PIK3C2A: variants seen among roughly 807,000 people sequenced by gnomAD.
The protein encoded by PIK3C2A is phosphatidylinositol 4-phosphate 3-kinase C2 domain-containing subunit alpha.
A neutral mutation model predicts 204.5 loss-of-function variants in PIK3C2A; 97 were observed. That is an observed-to-expected ratio of 0.47 (90% CI 0.40 to 0.56). The LOEUF (loss-of-function observed/expected upper bound fraction) is 0.56, where lower values mean the gene tolerates loss of function less well. Among genes scored for constraint, PIK3C2A ranks in the 20% least tolerant of loss-of-function variants. The pLI, the probability that PIK3C2A is intolerant of heterozygous loss-of-function variation, is 0.00. For missense variants in PIK3C2A, 1,735 were observed against 1,969.2 expected, an observed-to-expected ratio of 0.88 and a Z score of 2.25; for synonymous variants, 653 against 664.4, an observed-to-expected ratio of 0.98 and a Z score of 0.26.
At chr11:17,114,797 A>G (rs765704092) in intron 19 of PIK3C2A, among the ~76,000 whole-genome samples, 1 of 152,226 alleles carries the variant, frequency 6.6e-6, no homozygotes, top group African/African-American at 2.4e-5. Context: ...ACGATTTCAT[A>G]ACTTATTGGT....
At chr11:17,112,492 ATCACCT>A (rs1234982731) in intron 21 of PIK3C2A, 76 bp downstream of exon 21, 2 of 643,950 alleles carry the variant, frequency 3.1e-6, no homozygotes, top group Non-Finnish European at 5.5e-6. Flanking sequence ...ATTAAACAAA[ATCACCT>A]TTGCAATTTT....
In PIK3C2A at chr11:17,112,606, G is replaced by C; in HGVS notation, c.3382C>G (p.Pro1128Ala). ...PLKVTMVNADPMGEEINVMFK... is the reference protein window; with the variant it reads ...PLKVTMVNADAMGEEINVMFK... ...ATGACATTAATTTCTTCTCCCATAG[G>C]GTCAGCATTCACCATTGTGACTTTT... The change falls in exon 21 of 33, where the codon CCT becomes GCT. Residue 1128 changes from proline (P) to alanine (A), a missense_variant. Physicochemically the swap from Pro to Ala is conservative, Grantham distance 27. Around this residue, in one of 6 missense-constraint regions of PIK3C2A, gnomAD observed 567 missense variants for 576.0 expected, o/e 0.98. Transcript: ENST00000691414. The C allele has an allele frequency of 6.4e-7, 1 of 1,556,656 alleles. No homozygotes were observed. The highest frequency in any genetic ancestry group is 8.7e-7 in the Non-Finnish European group (1 of 1,143,774).
chr11:17,152,005 TAAG>T (rs1000654635), intron 3 of PIK3C2A, among the ~76,000 whole-genome samples: 1 of 152,158 alleles, frequency 6.6e-6, no homozygotes, highest in African/African-American at 2.4e-5. Flanking sequence ...CAGAAACCGT[TAAG>T]GATGACAAAA....
At chr11:17,176,151 C>T (rs1851330532) in intron 1 of PIK3C2A, among the ~76,000 whole-genome samples, 1 of 151,342 alleles carries the variant, frequency 6.6e-6, no homozygotes, top group South Asian at 2.1e-4. Flanking sequence ...TTACAGGTGC[C>T]CACCACCATG....
At chr11:17,156,624 C>T (rs948654508) in intron 2 of PIK3C2A, among the ~76,000 whole-genome samples, 2 of 152,186 alleles carry the variant, frequency 1.3e-5, no homozygotes, top group African/African-American at 4.8e-5. Context: ...CTCAAGCAAT[C>T]TGCCTGCCTC....
At chr11:17,194,171 C>A in intron 1 of PIK3C2A, 1 of 683,944 alleles carries the variant, frequency 1.5e-6, no homozygotes, top group Non-Finnish European at 2.1e-6. Flanking sequence ...TGCTTGTGCC[C>A]GCATTGCCAA....
intron 1 of PIK3C2A, among the ~76,000 whole-genome samples, chr11:17,201,265 A>G (rs921071290): frequency 6.6e-6 from 1 of 151,964 alleles, no homozygotes; most frequent in African/African-American, 2.4e-5. Flanking sequence ...GTGGTGGCTC[A>G]TGCCTGTCAT....
chr11:17,136,623 G>T lies in PIK3C2A; in HGVS notation c.1707C>A (p.Asn569Lys). ...TTACTTGATCTACTGCTCGGTGTTGGTTCTTTAAAAATAAAAAATAAAATA... is the reference window on the plus strand; with the variant it reads ...TTACTTGATCTACTGCTCGGTGTTGTTTCTTTAAAAATAAAAAATAAAATA... ...NQVELALQIE[N>K]QHRAVDQVIK... The change falls in exon 9 of 33, where the codon AAC becomes AAA. Residue 569 changes from asparagine (N) to lysine (K), a missense_variant and splice_region_variant. By Grantham distance (94) the Asn-to-Lys change is moderately conservative. This residue lies in a region of PIK3C2A where 106 missense variants were observed against 108.2 expected (regional missense o/e 0.98). Coordinates refer to ENST00000691414, the MANE Select transcript of PIK3C2A (RefSeq NM_002645.4). 6.5e-7 allele frequency: 1 copy of T among 1,528,590 alleles called. No individual in the cohort carries two copies. The allele number at this position is 1,528,590 out of a possible 1,614,324, so 94.7% of individuals were successfully genotyped here. A position where few individuals can be genotyped will look rare whatever the true frequency, so the allele number is the denominator to read the frequency against.
At chr11:17,102,424 A>G (rs1848668328) in intron 24 of PIK3C2A, among the ~76,000 whole-genome samples, 2 of 152,224 alleles carry the variant, frequency 1.3e-5, no homozygotes, top group African/African-American at 2.4e-5. Context: ...GCGACACAGC[A>G]AGACTCCGTC....
At chr11:17,153,202 T>TG (rs949134172) in intron 3 of PIK3C2A, among the ~76,000 whole-genome samples, 6 of 151,984 alleles carry the variant, frequency 3.9e-5, no homozygotes, top group African/African-American at 1.4e-4. Context: ...GAGGCCGAGG[T>TG]GGGCAGATCA....
At chr11:17,205,753 A>AT (rs1852549229) in intron 1 of PIK3C2A, among the ~76,000 whole-genome samples, 1 of 152,236 alleles carries the variant, frequency 6.6e-6, no homozygotes, top group African/African-American at 2.4e-5. Context: ...CAAACTTAGT[A>AT]TACAGTTATT....
At position 17,122,823 on chromosome 11, in the gene PIK3C2A, T is replaced by C. The variant is rs1407470219; in HGVS notation, c.2400-10A>G. 2 of 1,053,228 alleles carry C rather than the reference T, an allele frequency of 1.9e-6. No individual in the cohort carries two copies. Among genetic ancestry groups the C allele is most frequent in the Non-Finnish European group, 1.4e-6 (1 of 696,194 alleles). 65.2% of individuals were successfully genotyped at this position (1,053,228 alleles called of 1,614,324 possible). ...TCCACATGTTAAAAACCTTCACGGA[T>C]GTAAAAATAATAATGTGATTTTCAT... is the stretch of plus-strand genomic sequence containing the variant. On this transcript the variant is annotated splice_polypyrimidine_tract_variant and intron_variant, in intron 13 of 32. Coordinates refer to ENST00000691414, the MANE Select transcript of PIK3C2A (RefSeq NM_002645.4).
rs1848201849 is a variant in PIK3C2A at position 17,088,168 on chromosome 11, GTT to G, written c.*1568_*1569del. ...ATCTGTATTTCTATTCTAACCATGA[GTT>G]CTTATTATATATATGTATATATCCA... On this transcript the variant is annotated 3_prime_UTR_variant, in exon 33 of 33. Transcript: ENST00000691414. 1 of 151,834 alleles carries G rather than the reference GTT, an allele frequency of 6.6e-6. No homozygotes were observed. The highest frequency in any genetic ancestry group is 1.5e-5 in the Non-Finnish European group (1 of 67,966). The allele number at this position is 151,834 out of a possible 1,614,324, so 9.4% of individuals were successfully genotyped here.
chr11:17,151,332 T>C (rs927451731), intron 3 of PIK3C2A, among the ~76,000 whole-genome samples: 3 of 152,224 alleles, frequency 2.0e-5, no homozygotes, highest in African/African-American at 7.2e-5. Flanking sequence ...ATTTGATAAC[T>C]TCTTTACACT....
chr11:17,181,529 A>G (rs1352069066), intron 1 of PIK3C2A, among the ~76,000 whole-genome samples: 2 of 149,832 alleles, frequency 1.3e-5, no homozygotes, highest in African/African-American at 5.0e-5. Flanking sequence ...CTACTTGGGA[A>G]GCTGTGGTAG....
intron 28 of PIK3C2A, among the ~76,000 whole-genome samples, chr11:17,093,427 C>T (rs1451175970): frequency 6.6e-6 from 1 of 152,076 alleles, no homozygotes; most frequent in Non-Finnish European, 1.5e-5. Context: ...CCACCATGCC[C>T]AGCTAATTTT....
intron 23 of PIK3C2A, among the ~76,000 whole-genome samples, chr11:17,103,284 T>C (rs1487554761): frequency 6.6e-6 from 1 of 152,070 alleles, no homozygotes; most frequent in Non-Finnish European, 1.5e-5. Context: ...CATCCAAGAA[T>C]ACAAGTAATG....
chr11:17,110,465 T>C lies in PIK3C2A; in HGVS notation c.3511A>G (p.Ile1171Val). 1.2e-6 allele frequency: 2 copies of C among 1,611,658 alleles called. No individual in the cohort carries two copies. The highest frequency in any genetic ancestry group is 1.7e-6 in the Non-Finnish European group (2 of 1,178,506). Residue 1171 changes from isoleucine (I) to valine (V), a missense_variant, in exon 22 of 33, where the codon ATT becomes GTT. Around this residue, in one of 6 missense-constraint regions of PIK3C2A, gnomAD observed 503 missense variants for 669.0 expected, o/e 0.75. Transcript: ENST00000691414. Reference protein sequence around the residue: ...LKEGLDLRMVIFKCLSTGRDR... With the variant: ...LKEGLDLRMVVFKCLSTGRDR... ...CTGCCAGTTGAGAGACATTTGAAAA[T>C]TACCATCCTCAGATCTAGTCCTTCT...
intron 8 of PIK3C2A, among the ~76,000 whole-genome samples, 199 bp downstream of exon 8, chr11:17,145,469 T>A (rs892125296): frequency 6.6e-6 from 1 of 152,176 alleles, no homozygotes; most frequent in African/African-American, 2.4e-5. Context: ...GGTGCCTTCT[T>A]CCATGATTTA....
Sources: gnomAD v4.1 joint callset for allele counts (sites outside exome capture counted in the v4.1 genomes callset) on GRCh38, gnomAD v4.1.1 for gene constraint, gnomAD v4.1.1 regional missense constraint, MANE v1.5 for transcripts, NCBI Gene and HGNC (gene_info 2026-07-23, HGNC 2026-07-21) for gene names.